The following COL26A1 variants were observed in gnomAD, a reference collection of about 807,000 sequenced individuals.
COL26A1 encodes the protein collagen type XXVI alpha 1 chain.
In COL26A1, 41 loss-of-function variants were observed where a neutral mutation model predicts 59.3. The observed-to-expected ratio is 0.69, with a 90% CI of 0.54 to 0.90. COL26A1 has a LOEUF of 0.90. Among genes scored for constraint, COL26A1 ranks in the 40% least tolerant of loss-of-function variants. The pLI is 0.00. For missense variants in COL26A1, 612 were observed against 602.3 expected (o/e 1.02, Z -0.17); for synonymous variants, 266 against 256.0 (o/e 1.04, Z -0.37).
intron 10 of COL26A1, among the ~76,000 whole-genome samples, chr7:101,552,420 G>T (rs1378881505): frequency 1.3e-5 from 2 of 151,940 alleles, no homozygotes; most frequent in African/African-American, 4.8e-5. Context: ...GGCCACCCTG[G>T]ACAACATAGT....
chr7:101,540,041 G>A lies in COL26A1; in HGVS notation c.596G>A (p.Gly199Asp), dbSNP rs1448038479. 6.2e-7 allele frequency: 1 copy of A among 1,612,004 alleles called. No homozygotes were observed. The highest frequency in any genetic ancestry group is 8.5e-7 in the Non-Finnish European group (1 of 1,179,352). ...HPVPRQRRPT[G>D]PAGPPGQTGP... ...GTGCCACGACAGAGAAGGCCCACGG[G>A]CCCAGCCGGTGAGTGAGGGCTGCAG... The change falls in exon 5 of 13, where the codon GGC (glycine) becomes GAC (aspartate). Residue 199 changes from glycine to aspartate, a missense_variant. Transcript: ENST00000313669.
chr7:101,429,428 CA>C (rs1177383452), intron 2 of COL26A1, among the ~76,000 whole-genome samples: 5 of 151,318 alleles, frequency 3.3e-5, no homozygotes, highest in Non-Finnish European at 7.4e-5. Flanking sequence ...ATCATTTGGA[CA>C]TTTTTTTTTC....
At chr7:101,404,323 C>T (rs61366160) in intron 1 of COL26A1, among the ~76,000 whole-genome samples, 5,792 of 152,194 alleles carry the variant, frequency 0.038, 117 homozygotes, top group East Asian at 0.044. Flanking sequence ...AGGGTTTTTA[C>T]AACGCATCTG....
intron 1 of COL26A1, among the ~76,000 whole-genome samples, chr7:101,367,077 G>T (rs568329023): frequency 2.6e-5 from 4 of 152,118 alleles, no homozygotes; most frequent in Admixed American, 6.6e-5. Flanking sequence ...GTAATTAATT[G>T]GATCCTCTGC....
intron 3 of COL26A1, among the ~76,000 whole-genome samples, chr7:101,472,788 C>T (rs1339231919): frequency 8.1e-6 from 1 of 122,844 alleles, no homozygotes; most frequent in Non-Finnish European, 1.7e-5. Flanking sequence ...TCACTCCTTC[C>T]AGTCGAAGTG....
Position 101,478,229 on chromosome 7 carries a change from C to T in COL26A1, c.385+30442C>T, listed in dbSNP as rs558908784. ...CTCCTGACCTCAAGTGATCCACCCA[C>T]CTCAGCCTCCCAGCGTGCTGGGATT... On this transcript the variant is annotated intron_variant, in intron 3 of 12. Transcript: ENST00000313669. Among the ~76,000 whole-genome samples the T allele has an allele frequency of 5.3e-5, 8 of 152,320 alleles. No individual in the cohort carries two copies. The South Asian group carries it at 1.5e-3, about 28-fold the overall frequency.
intron 1 of COL26A1, among the ~76,000 whole-genome samples, chr7:101,370,211 G>A (rs1791158021): frequency 6.6e-6 from 1 of 152,070 alleles, no homozygotes. Flanking sequence ...TCAGGGGTAA[G>A]AATAGACTTC....
At chr7:101,371,777 G>A (rs1791200574) in intron 1 of COL26A1, among the ~76,000 whole-genome samples, 1 of 152,188 alleles carries the variant, frequency 6.6e-6, no homozygotes, top group East Asian at 1.9e-4. Context: ...GGGTGACAGA[G>A]TGAGACCCTG....
intron 3 of COL26A1, among the ~76,000 whole-genome samples, chr7:101,451,001 T>C (rs1793323194): frequency 1.4e-5 from 2 of 145,158 alleles, no homozygotes; most frequent in South Asian, 4.4e-4. Context: ...TTGAATAATA[T>C]ATAATATTGA....
intron 2 of COL26A1, among the ~76,000 whole-genome samples, chr7:101,424,392 G>T (rs994787597): frequency 6.6e-6 from 1 of 152,200 alleles, no homozygotes; most frequent in Admixed American, 6.5e-5. Flanking sequence ...GAGGTCAGGA[G>T]TTTGAGACCA....
At chr7:101,387,668 C>CATAT (rs202015842) in intron 1 of COL26A1, among the ~76,000 whole-genome samples, 1,485 of 123,904 alleles carry the variant, frequency 0.012, 25 homozygotes, top group African/African-American at 0.045. Context: ...TAAATACATA[C>CATAT]ATATATATAT....
In COL26A1 at chr7:101,447,724, C is replaced by T. The variant is rs199640859; in HGVS notation, c.322C>T (p.Arg108Cys). 3.1e-6 allele frequency: 5 copies of T among 1,606,176 alleles called. No homozygotes were observed. Among genetic ancestry groups the T allele is most frequent in the Admixed American group, 1.7e-5 (1 of 58,918 alleles). ...LIRPTYRVSY[R>C]TVTVLEWRCC... ...CAGACCCACCTACAGAGTGTCCTAC[C>T]GCACGGTGACGGTGCTGGAGTGGAG... Residue 108 changes from arginine to cysteine, a missense_variant, in exon 3 of 13, where the codon CGC (arginine) becomes TGC (cysteine). Arg to Cys is a radical substitution (Grantham distance 180). Coordinates refer to ENST00000313669, the MANE Select transcript of COL26A1 (RefSeq NM_001278563.3).
chr7:101,429,902 G>A (rs1186845470), intron 2 of COL26A1, among the ~76,000 whole-genome samples: 1 of 152,006 alleles, frequency 6.6e-6, no homozygotes, highest in Non-Finnish European at 1.5e-5. Context: ...TTGGCCTCCA[G>A]AATTGTTTTA....
chr7:101,491,436 T>A (rs925612054), intron 3 of COL26A1, among the ~76,000 whole-genome samples: 6 of 152,148 alleles, frequency 3.9e-5, no homozygotes, highest in African/African-American at 1.4e-4. Flanking sequence ...GGTTCTTGGA[T>A]CTCACACAAG....
intron 6 of COL26A1, among the ~76,000 whole-genome samples, chr7:101,544,676 G>C (rs920483605): frequency 6.6e-6 from 1 of 151,624 alleles, no homozygotes; most frequent in East Asian, 1.9e-4. Flanking sequence ...AGGATTACAG[G>C]TGCCTGCCAC....
intron 3 of COL26A1, among the ~76,000 whole-genome samples, chr7:101,450,440 T>C (rs796349193): frequency 1.1e-4 from 16 of 152,188 alleles, no homozygotes; most frequent in African/African-American, 3.1e-4. Context: ...ATCAACGACA[T>C]TGTTAGCACA....
intron 4 of COL26A1, among the ~76,000 whole-genome samples, chr7:101,534,481 CACACATACATATAT>C (rs1452299763): frequency 1.3e-5 from 2 of 152,014 alleles, no homozygotes; most frequent in Non-Finnish European, 2.9e-5. Flanking sequence ...CATGTGGAGA[CACACATACATATAT>C]ACACATACAG....
chr7:101,443,284 CCCAG>C (rs1180868445), intron 2 of COL26A1, among the ~76,000 whole-genome samples: 1 of 152,116 alleles, frequency 6.6e-6, no homozygotes, highest in African/African-American at 2.4e-5. Flanking sequence ...TACCTCCTGT[CCCAG>C]CTGCACACAA....
intron 1 of COL26A1, among the ~76,000 whole-genome samples, chr7:101,377,841 T>C (rs892448673): frequency 5.9e-5 from 9 of 152,226 alleles, no homozygotes; most frequent in African/African-American, 2.2e-4. Context: ...ATGTGTTTAG[T>C]AGATAGGCTG....
Sources: gnomAD v4.1 joint callset for allele counts (sites outside exome capture counted in the v4.1 genomes callset) on GRCh38, gnomAD v4.1.1 for gene constraint, MANE v1.5 for transcripts, NCBI Gene and HGNC (gene_info 2026-07-23, HGNC 2026-07-21) for gene names.